Variants in CASK observed in about 807,000 individuals in gnomAD.
CASK encodes calcium/calmodulin dependent serine protein kinase, also known as peripheral plasma membrane protein CASK.
Under a neutral mutation model 82.9 loss-of-function variants are expected in CASK, and 4 were observed. The observed-to-expected ratio is 0.05, with a 90% CI of 0.02 to 0.11. The LOEUF (loss-of-function observed/expected upper bound fraction) is 0.11. Ranked by LOEUF, CASK falls within the 10% of genes least tolerant of loss-of-function variation. CASK has a pLI of 1.00. For synonymous variants in CASK, 259 were observed against 253.5 expected, an observed-to-expected ratio of 1.02 and a Z score of -0.20; for missense variants, 358 against 720.9, an observed-to-expected ratio of 0.50 and a Z score of 5.76.
chrX:41,811,234 A>G (rs2070278209), intron 2 of CASK, among the ~76,000 whole-genome samples: 1 of 112,177 alleles, frequency 8.9e-6, no homozygotes, highest in Non-Finnish European at 1.9e-5. Flanking sequence ...AAGCGGACCT[A>G]GTAGACATCT....
intron 15 of CASK, among the ~76,000 whole-genome samples, chrX:41,570,269 T>C (rs182754143): frequency 5.6e-4 from 62 of 111,297 alleles, no homozygotes; most frequent in African/African-American, 1.9e-3. Context: ...CCACCTGCTT[T>C]GGCCTCCCAA....
At chrX:41,538,953 C>G (rs1286783269) in intron 22 of CASK, among the ~76,000 whole-genome samples, 1 of 111,298 alleles carries the variant, frequency 9.0e-6, no homozygotes, top group African/African-American at 3.3e-5. Flanking sequence ...GGAGAATGAG[C>G]GTCCATTCAA....
chrX:41,889,757 C>T (rs953217211), intron 1 of CASK, among the ~76,000 whole-genome samples: 1 of 111,681 alleles, frequency 9.0e-6, no homozygotes, highest in Non-Finnish European at 1.9e-5. Flanking sequence ...TACTTCAAGG[C>T]CATTCATAGC....
chrX:41,916,941 T>C (rs1037169175), intron 1 of CASK, among the ~76,000 whole-genome samples: 7 of 112,027 alleles, frequency 6.2e-5, no homozygotes, highest in Non-Finnish European at 1.1e-4. Flanking sequence ...CATTGCTAGA[T>C]TTACCAGTTA....
At chrX:41,753,832 G>A in intron 3 of CASK, among the ~76,000 whole-genome samples, 1 of 111,972 alleles carries the variant, frequency 8.9e-6, no homozygotes, top group Non-Finnish European at 1.9e-5. Flanking sequence ...GCTGCAGTGA[G>A]CTATAATGGC....
chrX:41,785,002 C>CTTTT (rs368185380), intron 3 of CASK, among the ~76,000 whole-genome samples: 7 of 74,851 alleles, frequency 9.4e-5, no homozygotes, highest in Admixed American at 1.5e-4. Context: ...TTTCAAAATT[C>CTTTT]TTTTTTTTTT....
chrX:41,749,508 C>T (rs1311468061), intron 3 of CASK, among the ~76,000 whole-genome samples: 1 of 101,141 alleles, frequency 9.9e-6, no homozygotes, highest in African/African-American at 3.6e-5. Flanking sequence ...GCCTCAGCCT[C>T]TCAAGTAGCT....
chrX:41,815,488 C>CA (rs1033689413), intron 2 of CASK, among the ~76,000 whole-genome samples: 1 of 110,253 alleles, frequency 9.1e-6, no homozygotes, highest in Non-Finnish European at 1.9e-5. Flanking sequence ...AAAAGAAATA[C>CA]AAAAAAATAA....
chrX:41,657,630 C>T (rs1172884904), intron 8 of CASK, among the ~76,000 whole-genome samples: 2 of 111,250 alleles, frequency 1.8e-5, no homozygotes, highest in Non-Finnish European at 3.8e-5. Context: ...TCAAGCGATT[C>T]TCCTGCCTCA....
At chrX:41,791,539 A>G (rs2069719163) in intron 2 of CASK, among the ~76,000 whole-genome samples, 1 of 109,775 alleles carries the variant, frequency 9.1e-6, no homozygotes, top group Admixed American at 9.8e-5. Flanking sequence ...CCTGACCAAT[A>G]TGGTGAAACC....
At chrX:41,841,142 TTTTGTATTCCCAATAGCAA>T (rs1209874039) in intron 2 of CASK, among the ~76,000 whole-genome samples, 4 of 112,256 alleles carry the variant, frequency 3.6e-5, no homozygotes, top group African/African-American at 1.3e-4. Context: ...GGTTACATCA[TTTTGTATTCCCAATAGCAA>T]TTTATGATGG....
At chrX:41,812,868 A>C (rs1222218906) in intron 2 of CASK, among the ~76,000 whole-genome samples, 2 of 112,173 alleles carry the variant, frequency 1.8e-5, no homozygotes, top group African/African-American at 3.2e-5. Context: ...AAATCTCCTT[A>C]AGCTGATAAG....
At chrX:41,657,492 T>C (rs1002958819) in intron 8 of CASK, among the ~76,000 whole-genome samples, 2 of 112,058 alleles carry the variant, frequency 1.8e-5, no homozygotes, top group African/African-American at 6.5e-5. Flanking sequence ...TGTGGCAGTG[T>C]CTTTTGAATT....
At chrX:41,905,959 G>C (rs2072462844) in intron 1 of CASK, among the ~76,000 whole-genome samples, 1 of 112,145 alleles carries the variant, frequency 8.9e-6, no homozygotes. Flanking sequence ...TGGTCTTACA[G>C]ATCTCAACTA....
intron 2 of CASK, among the ~76,000 whole-genome samples, chrX:41,798,882 C>T (rs1467944365): frequency 8.9e-6 from 1 of 111,813 alleles, no homozygotes; most frequent in Non-Finnish European, 1.9e-5. Flanking sequence ...AGATTGGAAC[C>T]CAGGTAGAAC....
At chrX:41,544,564 T>TAAAAAAAAAAAA (rs752196101) in intron 21 of CASK, among the ~76,000 whole-genome samples, 4 of 48,391 alleles carry the variant, frequency 8.3e-5, no homozygotes, top group Admixed American at 2.6e-4. Flanking sequence ...AGACCTTGTC[T>TAAAAAAAAAAAA]AAAAAAAAAA....
At chrX:41,795,422 T>C (rs2069832552) in intron 2 of CASK, among the ~76,000 whole-genome samples, 1 of 111,716 alleles carries the variant, frequency 9.0e-6, no homozygotes, top group African/African-American at 3.3e-5. Flanking sequence ...TACTAGCACT[T>C]TGGGAGGCTG....
At chrX:41,584,147 T>C (rs2065621910) in intron 14 of CASK, 1 of 112,846 alleles carries the variant, frequency 8.9e-6, no homozygotes, top group African/African-American at 3.2e-5. Context: ...TATTCAATGT[T>C]TTACTGATAA....
At chrX:41,858,471 T>C (rs781684851) in intron 1 of CASK, among the ~76,000 whole-genome samples, 1 of 112,000 alleles carries the variant, frequency 8.9e-6, no homozygotes, top group African/African-American at 3.2e-5. Flanking sequence ...ATCAGGGAGC[T>C]GAAGAGCAGG....
Sources: allele counts gnomAD v4.1 joint callset (sites outside exome capture counted in the v4.1 genomes callset), GRCh38; gene constraint gnomAD v4.1.1; transcripts MANE v1.5; gene names NCBI Gene and HGNC (gene_info 2026-07-23, HGNC 2026-07-21).